The following PTPRQ variants were observed in gnomAD, a reference collection of about 807,000 sequenced individuals.
PTPRQ encodes protein tyrosine phosphatase receptor type Q, also known as phosphatidylinositol phosphatase PTPRQ.
In PTPRQ, 199 loss-of-function variants were observed where a neutral mutation model predicts 246.0. The observed-to-expected ratio is 0.81, with a 90% CI of 0.72 to 0.91. PTPRQ has a LOEUF of 0.91. PTPRQ is among the 40% of genes least tolerant of loss of function. The pLI is 0.00. For synonymous variants in PTPRQ, 869 were observed against 853.2 expected (o/e 1.02, Z -0.32); for missense variants, 2,624 against 2,528.4 (o/e 1.04, Z -0.81).
At chr12:80,669,237 G>GTGA (rs1900888155) in intron 40 of PTPRQ, 96 bp downstream of exon 40, 2 of 1,527,018 alleles carry the variant, frequency 1.3e-6, no homozygotes, top group Non-Finnish European at 1.8e-6. Context: ...TCAATAACCT[G>GTGA]GACATCTATA....
intron 8 of PTPRQ, among the ~76,000 whole-genome samples, chr12:80,472,736 T>C (rs1239419400): frequency 6.6e-6 from 1 of 152,192 alleles, no homozygotes; most frequent in Non-Finnish European, 1.5e-5. Flanking sequence ...TTTACTGAAA[T>C]TATGAAAACA....
At chr12:80,491,878 A>G (rs1427015039) in intron 9 of PTPRQ, among the ~76,000 whole-genome samples, 3 of 151,900 alleles carry the variant, frequency 2.0e-5, no homozygotes, top group Admixed American at 6.6e-5. Context: ...AAGATAATTA[A>G]AAGACAGATA....
chr12:80,448,369 G>C (rs1354198621), intron 3 of PTPRQ, among the ~76,000 whole-genome samples: 1 of 151,556 alleles, frequency 6.6e-6, no homozygotes, highest in Non-Finnish European at 1.5e-5. Flanking sequence ...TTTCCAATTT[G>C]GATGCCTTTT....
chr12:80,553,262 G>T (rs1451712540), intron 25 of PTPRQ, among the ~76,000 whole-genome samples: 4 of 151,594 alleles, frequency 2.6e-5, no homozygotes, highest in African/African-American at 4.9e-5. Flanking sequence ...AGTATTAATT[G>T]CTGCTTCAAA....
chr12:80,457,677 T>A (rs1370408091), intron 4 of PTPRQ, 33 bp downstream of exon 4: 3 of 399,874 alleles, frequency 7.5e-6, no homozygotes, highest in Non-Finnish European at 1.3e-5. Flanking sequence ...TAAATTGACT[T>A]AGTCATGAGT....
At chr12:80,581,836 A>G (rs1053286563) in intron 25 of PTPRQ, among the ~76,000 whole-genome samples, 5 of 152,196 alleles carry the variant, frequency 3.3e-5, no homozygotes, top group Admixed American at 2.6e-4. Context: ...GAAAAAGGAA[A>G]TTAAAGAGAG....
At chr12:80,557,080 A>G (rs1269779620) in intron 25 of PTPRQ, among the ~76,000 whole-genome samples, 2 of 152,152 alleles carry the variant, frequency 1.3e-5, no homozygotes, top group Non-Finnish European at 2.9e-5. Context: ...TTTCCTGAAC[A>G]CTGCAGAAAT....
chr12:80,598,131 A>G (rs1485506933), intron 26 of PTPRQ, among the ~76,000 whole-genome samples: 1 of 151,972 alleles, frequency 6.6e-6, no homozygotes, highest in Non-Finnish European at 1.5e-5. Flanking sequence ...ACATCCATGA[A>G]TCATTCTTAG....
chr12:80,612,118 A>G (rs1039434120), intron 28 of PTPRQ, among the ~76,000 whole-genome samples: 1 of 150,394 alleles, frequency 6.6e-6, no homozygotes, highest in African/African-American at 2.4e-5. Context: ...AGATATAGTC[A>G]TTCAATCAGT....
intron 4 of PTPRQ, 137 bp downstream of exon 4, chr12:80,457,781 C>T: frequency 2.5e-6 from 1 of 393,402 alleles, no homozygotes; most frequent in Non-Finnish European, 4.5e-6. Flanking sequence ...TTTTAGAGTT[C>T]TTTCGGATAG....
chr12:80,542,477 C>G (rs1438131601), intron 22 of PTPRQ, 113 bp downstream of exon 22: 2 of 1,392,750 alleles, frequency 1.4e-6, no homozygotes, highest in Non-Finnish European at 1.9e-6. Flanking sequence ...TTTGTAACAG[C>G]CTTACCATTA....
chr12:80,524,598 G>A (rs1895624394), intron 17 of PTPRQ, among the ~76,000 whole-genome samples: 1 of 152,114 alleles, frequency 6.6e-6, no homozygotes, highest in African/African-American at 2.4e-5. Context: ...ATCCTGTCAT[G>A]GCCAGAAACT....
In PTPRQ at chr12:80,445,440, A is replaced by T. The variant is rs60509052; in HGVS notation, c.164-51A>T. 0.01 allele frequency: 12,194 copies of T among 1,173,798 alleles called. 942 individuals carry two copies. In the African/African-American group the frequency reaches 0.17, roughly 16 times the overall value. The allele number at this position is 1,173,798 out of a possible 1,614,324, so 72.7% of individuals were successfully genotyped here. A position where few individuals can be genotyped will look rare whatever the true frequency, so the allele number is the denominator to read the frequency against. On this transcript the variant is annotated intron_variant, in intron 2 of 44. Coordinates refer to ENST00000644991, the MANE Select transcript of PTPRQ (RefSeq NM_001145026.2). ...AATACTGTTATTATGTATTTTTGTG[A>T]AAATGCAATAATTATTTGACCTTTT...
At chr12:80,512,711 G>T (rs1895158417) in intron 17 of PTPRQ, 1 of 152,108 alleles carries the variant, frequency 6.6e-6, no homozygotes, top group Admixed American at 6.6e-5. Context: ...CATTCCCTCT[G>T]GGTTTAATTC....
chr12:80,494,440 T>G (rs941623725), intron 10 of PTPRQ, among the ~76,000 whole-genome samples: 14 of 152,058 alleles, frequency 9.2e-5, no homozygotes, highest in Admixed American at 6.6e-4. Context: ...TGAGTCCAAA[T>G]AAAACTCTTT....
chr12:80,528,947 C>T (rs1464786291), intron 17 of PTPRQ, among the ~76,000 whole-genome samples: 1 of 152,116 alleles, frequency 6.6e-6, no homozygotes, highest in Non-Finnish European at 1.5e-5. Context: ...AAAGCCAAAC[C>T]AAACCAAACC....
intron 7 of PTPRQ, among the ~76,000 whole-genome samples, chr12:80,469,259 A>G (rs1818787888): frequency 6.6e-6 from 1 of 152,150 alleles, no homozygotes; most frequent in African/African-American, 2.4e-5. Context: ...AATAACATGG[A>G]AAATCTCTGT....
intron 23 of PTPRQ, 59 bp from the exon 24 acceptor site, chr12:80,546,497 C>CCATTGATGAA: frequency 6.9e-7 from 1 of 1,439,842 alleles, no homozygotes; most frequent in South Asian, 1.3e-5. Flanking sequence ...TGAAAATATT[C>CCATTGATGAA]CATTGATGAA....
chr12:80,552,649 A>C (rs868332645), intron 25 of PTPRQ, among the ~76,000 whole-genome samples: 9 of 9,494 alleles, frequency 9.5e-4, no homozygotes, highest in African/African-American at 2.6e-3. Context: ...AAAAAATTAT[A>C]TATATATATA....
Sources: allele counts gnomAD v4.1 joint callset (sites outside exome capture counted in the v4.1 genomes callset), GRCh38; gene constraint gnomAD v4.1.1; transcripts MANE v1.5; gene names NCBI Gene and HGNC (gene_info 2026-07-23, HGNC 2026-07-21).